Variants in CTNNA3 observed in about 807,000 individuals in gnomAD.
CTNNA3 encodes the protein catenin alpha-3.
Under a neutral mutation model 95.7 loss-of-function variants are expected in CTNNA3, and 76 were observed. That is an observed-to-expected ratio of 0.79 (90% confidence interval 0.66 to 0.96). The LOEUF is 0.96. Ranked by LOEUF, CTNNA3 falls within the 40% of genes least tolerant of loss-of-function variation. The probability of loss-of-function intolerance (pLI) is 0.00; values close to 1 mark genes in which losing one functional copy is unlikely to be tolerated. For missense variants in CTNNA3, 1,191 were observed against 1,089.8 expected (o/e 1.09, Z -1.31); for synonymous variants, 431 against 374.4 (o/e 1.15, Z -1.74).
At chr10:66,345,163 G>A (rs1298537267) in intron 12 of CTNNA3, among the ~76,000 whole-genome samples, 1 of 152,024 alleles carries the variant, frequency 6.6e-6, no homozygotes, top group African/African-American at 2.4e-5. Flanking sequence ...AAATGCTGCT[G>A]TTAAGATAAT....
At chr10:66,929,424 CCTGTT>C (rs1194398869) in intron 7 of CTNNA3, among the ~76,000 whole-genome samples, 18 of 152,250 alleles carry the variant, frequency 1.2e-4, no homozygotes, top group African/African-American at 4.3e-4. Context: ...TTAGCTCTGT[CCTGTT>C]CTGTTCAGAA....
chr10:67,593,454 T>A (rs1350820243), intron 3 of CTNNA3, among the ~76,000 whole-genome samples: 1 of 152,204 alleles, frequency 6.6e-6, no homozygotes, highest in Admixed American at 6.6e-5. Context: ...TTTCTAGTTC[T>A]CCTTGTAAAG....
intron 11 of CTNNA3, among the ~76,000 whole-genome samples, chr10:66,469,530 TA>T (rs111433534): frequency 6.6e-6 from 1 of 151,740 alleles, no homozygotes; most frequent in African/African-American, 2.4e-5. Context: ...TATTTATCGT[TA>T]AAAAATAGTG....
intron 7 of CTNNA3, among the ~76,000 whole-genome samples, chr10:66,935,544 T>G (rs759722048): frequency 6.6e-6 from 1 of 152,090 alleles, no homozygotes. Context: ...TAAAATGGAA[T>G]ATTTAAAGAT....
At chr10:66,955,231 G>T (rs1017684760) in intron 7 of CTNNA3, among the ~76,000 whole-genome samples, 2 of 151,674 alleles carry the variant, frequency 1.3e-5, no homozygotes, top group Non-Finnish European at 2.9e-5. Context: ...ACAGGAAAAT[G>T]GATGTTATAT....
At chr10:65,927,341 G>A (rs1021444542) in intron 17 of CTNNA3, among the ~76,000 whole-genome samples, 5 of 152,080 alleles carry the variant, frequency 3.3e-5, no homozygotes, top group African/African-American at 4.8e-5. Flanking sequence ...TGTTTATGAC[G>A]TATAATCAAA....
chr10:67,678,666 T>C (rs1053942211), intron 1 of CTNNA3, among the ~76,000 whole-genome samples: 3 of 152,118 alleles, frequency 2.0e-5, no homozygotes, highest in Non-Finnish European at 4.4e-5. Context: ...TATAAGAATG[T>C]CCCAGAGCCA....
intron 1 of CTNNA3, among the ~76,000 whole-genome samples, chr10:67,702,888 G>T (rs182272737): frequency 1.3e-5 from 2 of 151,862 alleles, no homozygotes; most frequent in East Asian, 1.9e-4. Flanking sequence ...GCAAGACTAA[G>T]AAAGAAGAAA....
intron 11 of CTNNA3, among the ~76,000 whole-genome samples, chr10:66,459,294 C>A (rs1358716925): frequency 2.0e-5 from 3 of 152,048 alleles, no homozygotes; most frequent in Non-Finnish European, 4.4e-5. Context: ...AGTAAAGATT[C>A]CAGTCAACAG....
intron 1 of CTNNA3, among the ~76,000 whole-genome samples, chr10:67,756,206 A>T (rs931751334): frequency 1.3e-5 from 2 of 152,160 alleles, no homozygotes; most frequent in Non-Finnish European, 2.9e-5. Flanking sequence ...TAACGGGTAC[A>T]TATTTACACC....
At chr10:67,350,340 G>C (rs1482957473) in intron 5 of CTNNA3, among the ~76,000 whole-genome samples, 1 of 152,010 alleles carries the variant, frequency 6.6e-6, no homozygotes, top group Non-Finnish European at 1.5e-5. Context: ...TGGGGACAAT[G>C]TATAGGAGAG....
chr10:66,003,751 TAACATAATAACA>T (rs1364217190), intron 15 of CTNNA3, among the ~76,000 whole-genome samples: 1 of 152,194 alleles, frequency 6.6e-6, no homozygotes, highest in Non-Finnish European at 1.5e-5. Context: ...ACTGAAAACA[TAACATAATAACA>T]AACATTATTG....
intron 17 of CTNNA3, among the ~76,000 whole-genome samples, chr10:65,926,721 C>T (rs2077174262): frequency 6.6e-6 from 1 of 152,170 alleles, no homozygotes; most frequent in African/African-American, 2.4e-5. Flanking sequence ...GGTGATCCGC[C>T]TGCCTTGGCC....
intron 1 of CTNNA3, among the ~76,000 whole-genome samples, chr10:67,725,961 A>C (rs1841209552): frequency 9.0e-6 from 1 of 110,558 alleles, no homozygotes; most frequent in African/African-American, 4.3e-5. Context: ...TGTATATATA[A>C]TATATATGTA....
rs1564616316 is a variant in CTNNA3, at chr10:66,069,386, C to T, written c.2081G>A (p.Trp694Ter). ...KSKLDAEIEI[W>*]DDTSNDIIVL... ...AATGATGTCGTTGCTTGTATCATCCCATATCTCAATCTCAGCATCCAGCTT... is the reference window on the plus strand; with the variant it reads ...AATGATGTCGTTGCTTGTATCATCCTATATCTCAATCTCAGCATCCAGCTT... The change falls in exon 15 of 18, where the codon TGG becomes TAG. Residue 694 changes from tryptophan (W) to a stop codon, truncating the protein, a stop_gained. Transcript: ENST00000433211. LOFTEE classifies it high-confidence loss of function. The T allele has an allele frequency of 1.2e-6, 2 of 1,613,654 alleles. No homozygotes were observed. Among genetic ancestry groups the T allele is most frequent in the Non-Finnish European group, 1.7e-6 (2 of 1,179,734 alleles).
intron 7 of CTNNA3, among the ~76,000 whole-genome samples, chr10:66,942,050 G>A (rs543629599): frequency 6.6e-6 from 1 of 152,250 alleles, no homozygotes; most frequent in South Asian, 2.1e-4. Context: ...GCACGGCATG[G>A]TATCAGTTTC....
At position 67,142,760 on chromosome 10, in the gene CTNNA3, C is replaced by T. The variant is rs188373963; in HGVS notation, c.1047+37557G>A. On this transcript the variant is annotated intron_variant, in intron 7 of 17. Transcript: ENST00000433211. Reference sequence around the variant, plus strand: ...CATCTTGGCCAACACGGTGAAACCCCGCCTCTAGTAAGATACAAAAAATTA... The same window carrying T: ...CATCTTGGCCAACACGGTGAAACCCTGCCTCTAGTAAGATACAAAAAATTA... Among the ~76,000 whole-genome samples, 171 of 152,138 alleles carry T rather than the reference C, an allele frequency of 1.1e-3. 1 individual carries two copies. Among genetic ancestry groups the T allele is most frequent in the African/African-American group, 4.0e-3 (165 of 41,516 alleles).
chr10:67,138,150 T>TTC (rs781473093), intron 7 of CTNNA3, among the ~76,000 whole-genome samples: 27 of 151,968 alleles, frequency 1.8e-4, no homozygotes, highest in Admixed American at 5.3e-4. Flanking sequence ...TATGTATGGG[T>TTC]GTGAGTGTGT....
intron 12 of CTNNA3, among the ~76,000 whole-genome samples, chr10:66,318,912 G>C (rs5013446): frequency 0.43 from 64,620 of 151,486 alleles, 14,514 homozygotes; most frequent in Non-Finnish European, 0.5. Flanking sequence ...AAAGGTAGAA[G>C]TATTTTTTTT....
Sources: allele counts gnomAD v4.1 joint callset (sites outside exome capture counted in the v4.1 genomes callset), GRCh38; gene constraint gnomAD v4.1.1; transcripts MANE v1.5; gene names NCBI Gene and HGNC (gene_info 2026-07-23, HGNC 2026-07-21).